The following ITGAL variants were observed in gnomAD, a reference collection of about 807,000 sequenced individuals.
ITGAL encodes the protein integrin alpha-L.
A neutral mutation model predicts 138.4 loss-of-function variants in ITGAL; 68 were observed. The ratio of observed to expected loss-of-function variants is 0.49; its 90% CI spans 0.40 to 0.60. The LOEUF is 0.60. Ranked by LOEUF, ITGAL falls within the 20% of genes least tolerant of loss-of-function variation. The pLI is 0.00. For synonymous variants in ITGAL, 561 were observed against 584.3 expected (o/e 0.96, Z 0.57); for missense variants, 1,256 against 1,478.6 (o/e 0.85, Z 2.47).
chr16:30,474,083 G>T, intron 1 of ITGAL, 113 bp from the exon 2 acceptor site: 1 of 753,106 alleles, frequency 1.3e-6, no homozygotes, highest in East Asian at 2.7e-5. Flanking sequence ...GGAAGCGCAG[G>T]GTGCGGGTGG....
chr16:30,504,717 A>AG (rs1337049981), intron 18 of ITGAL, among the ~76,000 whole-genome samples: 25 of 146,034 alleles, frequency 1.7e-4, no homozygotes, highest in South Asian at 4.4e-4. Flanking sequence ...CTAAAGAAGA[A>AG]AAAAAAAAAA....
Position 30,494,068 on chromosome 16 carries a change from G to T in ITGAL, c.1214-144G>T. 1 of 663,702 alleles carries T rather than the reference G, an allele frequency of 1.5e-6. No homozygotes were observed. The allele number at this position is 663,702 out of a possible 1,614,324, so 41.1% of individuals were successfully genotyped here. A position where few individuals can be genotyped will look rare whatever the true frequency, so the allele number is the denominator to read the frequency against. On this transcript the variant is annotated intron_variant, in intron 11 of 30. Transcript: ENST00000356798. This position sits in a 1 kb window ranked among gnomAD's most constrained non-coding sequence, Gnocchi z 4.2. Reference sequence around the variant, plus strand: ...GGATTTGTTTGGCTGGGAGCACATGGATGCTTTTCTCAGGAGAAGGTCTTC... The same window carrying T: ...GGATTTGTTTGGCTGGGAGCACATGTATGCTTTTCTCAGGAGAAGGTCTTC...
At chr16:30,499,635 C>A in intron 17 of ITGAL, 146 bp downstream of exon 17, 1 of 525,034 alleles carries the variant, frequency 1.9e-6, no homozygotes, top group Non-Finnish European at 3.2e-6. Context: ...ACACCCTTAG[C>A]ATATTTTCTT....
At chr16:30,487,576 A>C (rs913059713) in intron 9 of ITGAL, among the ~76,000 whole-genome samples, 2 of 150,698 alleles carry the variant, frequency 1.3e-5, no homozygotes, top group African/African-American at 4.9e-5. Flanking sequence ...CACCCAGATA[A>C]ATTTTTTGTA....
intron 4 of ITGAL, among the ~76,000 whole-genome samples, chr16:30,476,930 G>C (rs1445338060): frequency 1.3e-5 from 2 of 152,076 alleles, no homozygotes; most frequent in Non-Finnish European, 1.5e-5. Context: ...TACCACACCT[G>C]GTCACTTTAT....
At chr16:30,485,173 C>T (rs2050623244) in intron 9 of ITGAL, among the ~76,000 whole-genome samples, 1 of 133,114 alleles carries the variant, frequency 7.5e-6, no homozygotes, top group East Asian at 2.5e-4. Context: ...CTCCCCTCTC[C>T]TCCCCTCTCC....
In ITGAL at chr16:30,494,795, C is replaced by T; in HGVS notation, c.1448C>T (p.Pro483Leu). The change falls in exon 13 of 31, where the codon CCA becomes CTA. Residue 483 changes from proline (P) to leucine (L), a missense_variant. By Grantham distance (98) the Pro-to-Leu change is moderately conservative. Around this residue, in one of 3 missense-constraint regions of ITGAL, gnomAD observed 867 missense variants for 972.5 expected, o/e 0.89. Coordinates refer to ENST00000356798, the MANE Select transcript of ITGAL (RefSeq NM_002209.3). This position sits in a 1 kb window ranked among gnomAD's most constrained non-coding sequence, Gnocchi z 4.2. The part of the protein sequence containing the change: ...GETELLLIGA[P>L]LFYGEQRGGR... ...ACAGAGCTGCTGCTGATTGGTGCCCCACTGTTCTATGGGGAGCAGAGAGGA... is the reference window on the plus strand; with the variant it reads ...ACAGAGCTGCTGCTGATTGGTGCCCTACTGTTCTATGGGGAGCAGAGAGGA... The T allele has an allele frequency of 6.2e-7, 1 of 1,613,194 alleles. No individual in the cohort carries two copies. Among genetic ancestry groups the T allele is most frequent in the East Asian group, 2.2e-5 (1 of 44,854 alleles).
chr16:30,494,880 G>A lies in ITGAL; in HGVS notation c.1503+30G>A, dbSNP rs761066004. The A allele has an allele frequency of 6.4e-7, 1 of 1,567,318 alleles. No individual in the cohort carries two copies. The highest frequency in any genetic ancestry group is 8.7e-7 in the Non-Finnish European group (1 of 1,150,836). ...GGCCAGGATCTGGAGCTGAGAGGGA[G>A]GAGGGAGAGCAGCAGAGATTCGCAG... On this transcript the variant is annotated intron_variant, in intron 13 of 30. Transcript: ENST00000356798. The surrounding 1 kb of genome is among the most constrained non-coding windows in gnomAD (Gnocchi z 4.2).
intron 1 of ITGAL, among the ~76,000 whole-genome samples, chr16:30,473,605 T>C (rs1382217196): frequency 6.6e-6 from 1 of 152,062 alleles, no homozygotes. Flanking sequence ...TCTAGGATGC[T>C]CTGAACTAAA....
intron 15 of ITGAL, among the ~76,000 whole-genome samples, chr16:30,498,114 C>G (rs1407109720): frequency 6.6e-6 from 1 of 151,762 alleles, no homozygotes. Flanking sequence ...GGGGCTTAGT[C>G]AGGAGTTCAA....
At chr16:30,517,935 G>A (rs752735786) in intron 28 of ITGAL, 40 bp downstream of exon 28, 8 of 1,570,548 alleles carry the variant, frequency 5.1e-6, no homozygotes, top group South Asian at 3.3e-5. Context: ...TGCTGTGGGG[G>A]CCCCAATGCC....
Position 30,499,355 on chromosome 16 carries a change from C to G in ITGAL, c.2011C>G (p.Leu671Val). The G allele has an allele frequency of 6.2e-7, 1 of 1,614,124 alleles. No individual in the cohort carries two copies. The change falls in exon 17 of 31, where the codon CTC (leucine) becomes GTC (valine). Residue 671 changes from leucine to valine, a missense_variant. This residue lies in a region of ITGAL where 867 missense variants were observed against 972.5 expected (regional missense o/e 0.89). Transcript: ENST00000356798. Reference protein sequence around the residue: ...PQFQGRLVANLTYTLQLDGHR... With the variant: ...PQFQGRLVANVTYTLQLDGHR... ...CTGCCCAGGCCGCCTGGTTGCCAAT[C>G]TCACTTACACTCTGCAGCTGGATGG...
In ITGAL at chr16:30,494,682, C is replaced by T. The variant is rs370398586; in HGVS notation, c.1366-31C>T. On this transcript the variant is annotated intron_variant, in intron 12 of 30. Coordinates refer to ENST00000356798, the MANE Select transcript of ITGAL (RefSeq NM_002209.3). The surrounding 1 kb of genome is among the most constrained non-coding windows in gnomAD (Gnocchi z 4.2). ...TGCCAACCCCTGCTGTTCCCACAGG[C>T]GCTTCCCCAAACACCTGCCTCTCCC... The T allele has an allele frequency of 1.9e-4, 297 of 1,577,844 alleles. No homozygotes were observed. The highest frequency in any genetic ancestry group is 2.4e-4 in the Non-Finnish European group (275 of 1,159,470).
intron 11 of ITGAL, among the ~76,000 whole-genome samples, chr16:30,493,545 G>A (rs1434779853): frequency 6.6e-6 from 1 of 151,990 alleles, no homozygotes; most frequent in Non-Finnish European, 1.5e-5. Context: ...CAAAGCGCTG[G>A]GATTACAGGC....
intron 2 of ITGAL, 109 bp from the exon 3 acceptor site, chr16:30,475,197 G>A (rs1405893154): frequency 1.2e-6 from 1 of 810,156 alleles, no homozygotes; most frequent in South Asian, 1.7e-5. Flanking sequence ...AAGGGGAATG[G>A]CTGCAGTGCT....
chr16:30,488,960 CACAT>C, intron 9 of ITGAL, 118 bp from the exon 10 acceptor site: 2 of 805,258 alleles, frequency 2.5e-6, no homozygotes. Flanking sequence ...GCCTGACCCT[CACAT>C]GCATGCCTTC....
intron 17 of ITGAL, among the ~76,000 whole-genome samples, chr16:30,503,438 T>C (rs1022821904): frequency 1.6e-3 from 167 of 103,956 alleles, no homozygotes; most frequent in African/African-American, 5.0e-3. Context: ...TAGTTTTCAT[T>C]TTCTTTTTTT....
intron 2 of ITGAL, 97 bp from the exon 3 acceptor site, chr16:30,475,209 G>A: frequency 1.1e-6 from 1 of 895,196 alleles, no homozygotes; most frequent in Non-Finnish European, 1.8e-6. Flanking sequence ...TGCAGTGCTT[G>A]GAGAAATGAG....
At position 30,493,848 on chromosome 16, in the gene ITGAL, C is replaced by T. The variant is rs372850373; in HGVS notation, c.1214-364C>T. Among the ~76,000 whole-genome samples the T allele has an allele frequency of 1.8e-4, 28 of 152,222 alleles. No individual in the cohort carries two copies. In the East Asian group the frequency reaches 3.7e-3, roughly 20 times the overall value. ...CGGAGGTTGCAGTGAGCTGAGATCA[C>T]GCCATTGCATTCCAGCCTGGGCAAG... is the stretch of plus-strand genomic sequence containing the variant. On this transcript the variant is annotated intron_variant, in intron 11 of 30. Transcript: ENST00000356798.
Sources: allele counts gnomAD v4.1 joint callset (sites outside exome capture counted in the v4.1 genomes callset), GRCh38; gene constraint gnomAD v4.1.1; regional missense constraint gnomAD v4.1.1; non-coding constraint Gnocchi (gnomAD v3.1); transcripts MANE v1.5; gene names NCBI Gene and HGNC (gene_info 2026-07-23, HGNC 2026-07-21).